The following RC3H1 variants were observed in gnomAD, a reference collection of about 807,000 sequenced individuals.
RC3H1 encodes the protein roquin-1.
In RC3H1, 50 loss-of-function variants were observed where a neutral mutation model predicts 138.2. The ratio of observed to expected loss-of-function variants is 0.36; its 90% CI spans 0.29 to 0.46. RC3H1 has a LOEUF of 0.46. RC3H1 is among the 20% of genes least tolerant of loss of function. RC3H1 has a pLI of 1.00. For synonymous variants in RC3H1, 462 were observed against 489.1 expected (o/e 0.94, Z 0.73); for missense variants, 1,031 against 1,388.1 (o/e 0.74, Z 4.09).
At position 174,006,992 on chromosome 1, in the gene RC3H1, GC is replaced by G. The variant is rs376705729; in HGVS notation, c.-150-13858del. On this transcript the variant is annotated intron_variant, in intron 1 of 19. Transcript: ENST00000367696. ...ACATACATTATCAGCATCTCAAAAG[GC>G]CCCCCCTCACTATCCCTCCCAATGA... 2.0e-4 allele frequency among the ~76,000 whole-genome samples: 30 copies of G among 151,822 alleles called. No individual in the cohort carries two copies. The East Asian group carries it at 5.6e-3, about 28-fold the overall frequency.
intron 1 of RC3H1, among the ~76,000 whole-genome samples, chr1:174,014,122 C>G (rs756156388): frequency 6.6e-6 from 1 of 152,084 alleles, no homozygotes; most frequent in African/African-American, 2.4e-5. Context: ...CCATTCTGCA[C>G]GATTCTAGAA....
intron 1 of RC3H1, among the ~76,000 whole-genome samples, chr1:174,001,396 T>C (rs1661563105): frequency 6.6e-6 from 1 of 152,216 alleles, no homozygotes; most frequent in Non-Finnish European, 1.5e-5. Flanking sequence ...CCCTCATTAA[T>C]TATCAAAGAG....
At chr1:173,993,733 A>C (rs567864780) in intron 1 of RC3H1, among the ~76,000 whole-genome samples, 28 of 150,462 alleles carry the variant, frequency 1.9e-4, no homozygotes, top group Non-Finnish European at 3.8e-4. Context: ...CTAAAAAATA[A>C]TCTTGGCTGG....
chr1:173,970,150 G>C (rs548959639), intron 9 of RC3H1, among the ~76,000 whole-genome samples: 72 of 152,020 alleles, frequency 4.7e-4, no homozygotes, highest in African/African-American at 1.7e-3. Context: ...AGATGTCTTG[G>C]GGATAAGACC....
At chr1:173,976,159 A>G (rs1660571322) in intron 7 of RC3H1, among the ~76,000 whole-genome samples, 1 of 151,366 alleles carries the variant, frequency 6.6e-6, no homozygotes, top group South Asian at 2.1e-4. Context: ...AACAATGGCC[A>G]GGCATGGTGG....
intron 1 of RC3H1, among the ~76,000 whole-genome samples, chr1:173,993,821 A>T (rs985528388): frequency 1.3e-5 from 2 of 151,366 alleles, no homozygotes; most frequent in Admixed American, 6.6e-5. Context: ...GGAGTTCGAG[A>T]CCAGCCTGGC....
intron 17 of RC3H1, 74 bp downstream of exon 17, chr1:173,946,402 G>T: frequency 1.4e-6 from 2 of 1,416,728 alleles, no homozygotes; most frequent in Non-Finnish European, 1.9e-6. Context: ...TGTTCACAGT[G>T]CCTCAAAAGT....
chr1:174,013,219 T>C (rs1403757286), intron 1 of RC3H1, among the ~76,000 whole-genome samples: 1 of 151,894 alleles, frequency 6.6e-6, no homozygotes, highest in Non-Finnish European at 1.5e-5. Context: ...ATTGAAAATG[T>C]AGGCTTGAGG....
chr1:173,992,337 G>A (rs1326722050), intron 2 of RC3H1, among the ~76,000 whole-genome samples: 3 of 151,964 alleles, frequency 2.0e-5, no homozygotes, highest in African/African-American at 7.2e-5. Flanking sequence ...AGTAGAGACA[G>A]GATTTCACCA....
intron 18 of RC3H1, among the ~76,000 whole-genome samples, chr1:173,943,094 T>C (rs771957084): frequency 6.6e-6 from 1 of 152,232 alleles, no homozygotes; most frequent in Admixed American, 6.5e-5. Flanking sequence ...CATCTTTATA[T>C]AACATGTTGT....
chr1:173,999,978 C>A (rs977635393), intron 1 of RC3H1, among the ~76,000 whole-genome samples: 1 of 152,144 alleles, frequency 6.6e-6, no homozygotes, highest in Non-Finnish European at 1.5e-5. Flanking sequence ...TGTGCCACCA[C>A]ACGAATAAAA....
intron 18 of RC3H1, among the ~76,000 whole-genome samples, chr1:173,942,634 C>G (rs1658938576): frequency 6.6e-6 from 1 of 151,728 alleles, no homozygotes; most frequent in East Asian, 1.9e-4. Flanking sequence ...AGATCGAGAC[C>G]ATCCTGGCTA....
intron 4 of RC3H1, 142 bp downstream of exon 4, chr1:173,983,276 G>C: frequency 9.7e-7 from 1 of 1,031,418 alleles, no homozygotes; most frequent in Non-Finnish European, 1.4e-6. Flanking sequence ...ACATGGAATT[G>C]CCCAAGCCAT....
rs1659240501 is a variant in RC3H1 at position 173,948,662 on chromosome 1, T to G, written c.2524-1080A>C. Among the ~76,000 whole-genome samples, 8 of 152,164 alleles carry G rather than the reference T, an allele frequency of 5.3e-5. No homozygotes were observed. The South Asian group carries it at 1.7e-3, about 32-fold the overall frequency. On this transcript the variant is annotated intron_variant, in intron 14 of 19. Transcript: ENST00000367696. ...CTGTCACCAGGTTGGACTGCAGTGA[T>G]GTGTGAGCCTCAACCTCCTGGGCTC...
rs369964707 is a variant in RC3H1, at chr1:173,964,083, A to G, written c.1721T>C (p.Leu574Pro). 1 of 1,613,996 alleles carries G rather than the reference A, an allele frequency of 6.2e-7. No individual in the cohort carries two copies. The highest frequency in any genetic ancestry group is 1.1e-5 in the South Asian group (1 of 91,086). ...CTGAGAACCTCGAGGTACCATCTGAAGTGGTTTGGTAACAGGCATTGGAGG... is the reference window on the plus strand; with the variant it reads ...CTGAGAACCTCGAGGTACCATCTGAGGTGGTTTGGTAACAGGCATTGGAGG... ...DLPPMPVTKP[L>P]QMVPRGSQLY... Residue 574 changes from leucine (L) to proline (P), a missense_variant, in exon 11 of 20, where the codon CTT becomes CCT. Leu to Pro is a moderately conservative substitution (Grantham distance 98). Around this residue, in one of 7 missense-constraint regions of RC3H1, gnomAD observed 716 missense variants for 837.9 expected, o/e 0.85. Transcript: ENST00000367696.
At chr1:173,981,042 C>T (rs369939551) in intron 5 of RC3H1, 33 bp from the exon 6 acceptor site, 88 of 1,565,262 alleles carry the variant, frequency 5.6e-5, no homozygotes, top group Non-Finnish European at 7.4e-5. Context: ...ATAATGAAGT[C>T]AAAAAAATGA....
intron 16 of RC3H1, 51 bp downstream of exon 16, chr1:173,946,695 T>A: frequency 6.3e-7 from 1 of 1,596,656 alleles, no homozygotes; most frequent in Non-Finnish European, 8.6e-7. Flanking sequence ...AGAAGTTGCC[T>A]AATTTTAAAG....
chr1:173,993,241 T>G (rs1053115013), intron 1 of RC3H1, 106 bp from the exon 2 acceptor site: 1 of 462,104 alleles, frequency 2.2e-6, no homozygotes, highest in Non-Finnish European at 3.9e-6. Flanking sequence ...TATACCACAT[T>G]TGTATCACTG....
At chr1:174,017,724 TA>T (rs1241585621) in intron 1 of RC3H1, among the ~76,000 whole-genome samples, 1 of 97,588 alleles carries the variant, frequency 1.0e-5, no homozygotes, top group Non-Finnish European at 2.1e-5. Flanking sequence ...TTAACCTCAA[TA>T]AAAAAAATTA....
Sources: gnomAD v4.1 joint callset for allele counts (sites outside exome capture counted in the v4.1 genomes callset) on GRCh38, gnomAD v4.1.1 for gene constraint, gnomAD v4.1.1 regional missense constraint, MANE v1.5 for transcripts, NCBI Gene and HGNC (gene_info 2026-07-23, HGNC 2026-07-21) for gene names.